Variants in TVP23A observed in about 807,000 individuals in gnomAD.
The protein encoded by TVP23A is Golgi apparatus membrane protein TVP23 homolog A.
A neutral mutation model predicts 31.7 loss-of-function variants in TVP23A; 21 were observed. That is an observed-to-expected ratio of 0.66 (90% CI 0.47 to 0.95). TVP23A has a LOEUF of 0.95. Among genes scored for constraint, TVP23A ranks in the 40% least tolerant of loss-of-function variants. TVP23A has a pLI of 0.00. For synonymous variants in TVP23A, 104 were observed against 96.0 expected, an observed-to-expected ratio of 1.08 and a Z score of -0.49; for missense variants, 279 against 255.6, an observed-to-expected ratio of 1.09 and a Z score of -0.62.
At position 10,818,514 on chromosome 16, in the gene TVP23A, T is replaced by TGGCGCCCAGGCCCGGGGCTCCAGC. The variant is rs749522911; in HGVS notation, c.-45_-22dup. The TGGCGCCCAGGCCCGGGGCTCCAGC allele has an allele frequency of 3.8e-5, 61 of 1,601,842 alleles. No individual in the cohort carries two copies. The Middle Eastern group carries it at 3.6e-3, about 96-fold the overall frequency. On this transcript the variant is annotated 5_prime_UTR_variant, in exon 1 of 8. Transcript: ENST00000299866. The surrounding 1 kb of genome is among the most constrained non-coding windows in gnomAD (Gnocchi z 4.7). ...TTCATCACCCTCCCAGGAGCCCACCTGGCGCCCAGGCCCGGGGCTCCAGCT... is the reference window on the plus strand; with the variant it reads ...TTCATCACCCTCCCAGGAGCCCACCTGGCGCCCAGGCCCGGGGCTCCAGCGGCGCCCAGGCCCGGGGCTCCAGCT...
intron 2 of TVP23A, among the ~76,000 whole-genome samples, chr16:10,793,967 A>G (rs2033249470): frequency 6.6e-6 from 1 of 151,082 alleles, no homozygotes; most frequent in Non-Finnish European, 1.5e-5. Flanking sequence ...TGGCAAGTCC[A>G]AGATCAAGGT....
intron 2 of TVP23A, among the ~76,000 whole-genome samples, chr16:10,786,712 TGA>T (rs2032773735): frequency 8.6e-3 from 3 of 348 alleles, no homozygotes; most frequent in African/African-American, 0.029. Flanking sequence ...ATCCTGGTGA[TGA>T]CTGGGGATGG....
At chr16:10,769,174 C>A (rs774868931) in intron 7 of TVP23A, 73 bp from the exon 8 acceptor site, 8 of 1,450,896 alleles carry the variant, frequency 5.5e-6, no homozygotes, top group African/African-American at 1.4e-5. Flanking sequence ...TCCAGCCAGA[C>A]CCGACCAGCT....
intron 2 of TVP23A, among the ~76,000 whole-genome samples, chr16:10,806,318 G>T (rs1435462307): frequency 6.6e-6 from 1 of 152,070 alleles, no homozygotes; most frequent in East Asian, 1.9e-4. Context: ...ACTCCAGCCT[G>T]GGTGACAGAG....
downstream of TVP23A, among the ~76,000 whole-genome samples, chr16:10,766,461 C>T (rs1041572326): frequency 1.1e-4 from 16 of 152,052 alleles, no homozygotes; most frequent in African/African-American, 3.4e-4. The surrounding 1 kb of genome is among the most constrained non-coding windows in gnomAD (Gnocchi z 4.8). Flanking sequence ...GCTGGGGAGC[C>T]CTCTGGGGAA....
Position 10,768,153 on chromosome 16 carries a change from A to G in TVP23A, c.*949T>C, listed in dbSNP as rs2031178259. On this transcript the variant is annotated 3_prime_UTR_variant, in exon 8 of 8. Coordinates refer to ENST00000299866, the MANE Select transcript of TVP23A (RefSeq NM_001079512.4). This position sits in a 1 kb window ranked among gnomAD's most constrained non-coding sequence, Gnocchi z 4.3. Reference sequence around the variant, plus strand: ...CTGTGATGACCACAGAGTGGCCCCCATAGCCGAGGAAGCCAGGAGTCCATG... The same window carrying G: ...CTGTGATGACCACAGAGTGGCCCCCGTAGCCGAGGAAGCCAGGAGTCCATG... 5.0e-6 allele frequency: 4 copies of G among 795,282 alleles called. No individual in the cohort carries two copies. In the Admixed American group the frequency reaches 9.3e-5, roughly 18 times the overall value. The allele number at this position is 795,282 out of a possible 1,614,324, so 49.3% of individuals were successfully genotyped here.
intron 2 of TVP23A, among the ~76,000 whole-genome samples, chr16:10,806,242 C>G (rs9940820): frequency 0.031 from 4,667 of 152,172 alleles, 254 homozygotes; most frequent in African/African-American, 0.11. Context: ...ACTCAGAAGA[C>G]TGAAGCAGAA....
At chr16:10,807,764 T>C (rs2034011326) in intron 2 of TVP23A, among the ~76,000 whole-genome samples, 1 of 152,350 alleles carries the variant, frequency 6.6e-6, no homozygotes, top group Admixed American at 6.5e-5. Flanking sequence ...ATGGAAGCCC[T>C]GAATCTGCTG....
At chr16:10,771,289 C>T (rs889005530) in intron 6 of TVP23A, among the ~76,000 whole-genome samples, 2 of 152,104 alleles carry the variant, frequency 1.3e-5, no homozygotes, top group Non-Finnish European at 2.9e-5. Flanking sequence ...GGCTGTAATC[C>T]CAGCACTTTG....
intron 2 of TVP23A, among the ~76,000 whole-genome samples, chr16:10,811,910 A>C (rs2034221893): frequency 6.6e-6 from 1 of 151,064 alleles, no homozygotes; most frequent in Admixed American, 6.6e-5. Context: ...TCTCAAAAAA[A>C]AAAAAAAAAA....
At chr16:10,795,332 C>T (rs2033328451) in intron 2 of TVP23A, among the ~76,000 whole-genome samples, 1 of 151,680 alleles carries the variant, frequency 6.6e-6, no homozygotes, top group Non-Finnish European at 1.5e-5. Context: ...CTAACTGCAA[C>T]CTCCACCTCC....
intron 2 of TVP23A, among the ~76,000 whole-genome samples, chr16:10,799,848 C>T (rs1389920028): frequency 6.6e-6 from 1 of 152,074 alleles, no homozygotes; most frequent in Non-Finnish European, 1.5e-5. Flanking sequence ...GAGTTATTAA[C>T]TGATGGACAG....
At chr16:10,776,660 C>T (rs573536541) in intron 2 of TVP23A, among the ~76,000 whole-genome samples, 1 of 152,250 alleles carries the variant, frequency 6.6e-6, no homozygotes, top group Non-Finnish European at 1.5e-5. Context: ...AGGGCAAGTC[C>T]ATTGAGTAAA....
In TVP23A at chr16:10,793,538, T is replaced by C. The variant is rs187110089; in HGVS notation, c.90-18442A>G. The stretch of plus-strand genomic sequence containing the variant: ...ACTCCACTTCTCTGGTACCAATTTC[T>C]AACTTGGCCCATTTCGTGCTGCTGT... On this transcript the variant is annotated intron_variant, in intron 2 of 7. Coordinates refer to ENST00000299866, the MANE Select transcript of TVP23A (RefSeq NM_001079512.4). 2.1e-3 allele frequency among the ~76,000 whole-genome samples: 318 copies of C among 152,266 alleles called. 1 individual carries two copies. The highest frequency in any genetic ancestry group is 7.2e-3 in the African/African-American group (301 of 41,556).
At chr16:10,786,729 TGGG>T (rs1443510424) in intron 2 of TVP23A, among the ~76,000 whole-genome samples, 3 of 1,046 alleles carry the variant, frequency 2.9e-3, no homozygotes, top group Non-Finnish European at 6.2e-3. Flanking sequence ...GGATGGGCAT[TGGG>T]AACCTGGTGA....
At chr16:10,778,042 T>C (rs914416306) in intron 2 of TVP23A, among the ~76,000 whole-genome samples, 3 of 151,116 alleles carry the variant, frequency 2.0e-5, no homozygotes, top group Middle Eastern at 6.9e-3. Context: ...AAAGAAGAAT[T>C]AGACAGGATC....
intron 2 of TVP23A, among the ~76,000 whole-genome samples, chr16:10,806,647 G>T (rs1026684158): frequency 6.6e-6 from 1 of 152,016 alleles, no homozygotes; most frequent in Non-Finnish European, 1.5e-5. Flanking sequence ...GATTACAGGC[G>T]CCTGCCATCA....
chr16:10,803,933 G>A (rs993634464), intron 2 of TVP23A, among the ~76,000 whole-genome samples: 6 of 152,138 alleles, frequency 3.9e-5, no homozygotes, highest in Admixed American at 6.5e-5. Flanking sequence ...TAAAACCAAT[G>A]AATTAAATAA....
Position 10,768,306 on chromosome 16 carries a change from G to T in TVP23A, c.*796C>A. ...AAGTAATTCATTTTTAAAAGTAACT[G>T]ATAAAAAAAAAAAAGGCCAGGTGCA... is the stretch of plus-strand genomic sequence containing the variant. On this transcript the variant is annotated 3_prime_UTR_variant, in exon 8 of 8. Coordinates refer to ENST00000299866, the MANE Select transcript of TVP23A (RefSeq NM_001079512.4). The surrounding 1 kb of genome is among the most constrained non-coding windows in gnomAD (Gnocchi z 4.3). 2.2e-5 allele frequency: 4 copies of T among 180,926 alleles called. No individual in the cohort carries two copies. Among genetic ancestry groups the T allele is most frequent in the Non-Finnish European group, 4.2e-5 (4 of 94,582 alleles). 11.2% of individuals were successfully genotyped at this position (180,926 alleles called of 1,614,324 possible).
Sources: allele counts gnomAD v4.1 joint callset (sites outside exome capture counted in the v4.1 genomes callset), GRCh38; gene constraint gnomAD v4.1.1; non-coding constraint Gnocchi (gnomAD v3.1); transcripts MANE v1.5; gene names NCBI Gene and HGNC (gene_info 2026-07-23, HGNC 2026-07-21).